Variants in SPEF2 observed in about 807,000 individuals in gnomAD.
SPEF2 encodes the protein sperm flagella and cilia-associated protein 2.
Under a neutral mutation model 224.6 loss-of-function variants are expected in SPEF2, and 187 were observed. The ratio of observed to expected loss-of-function variants is 0.83; its 90% CI spans 0.74 to 0.94. SPEF2 has a LOEUF of 0.94. Ranked by LOEUF, SPEF2 falls within the 40% of genes least tolerant of loss-of-function variation. The pLI, the probability that SPEF2 is intolerant of heterozygous loss-of-function variation, is 0.00. For synonymous variants in SPEF2, 715 were observed against 707.3 expected, an observed-to-expected ratio of 1.01 and a Z score of -0.17; for missense variants, 2,170 against 2,135.6, an observed-to-expected ratio of 1.02 and a Z score of -0.32.
At chr5:35,792,241 TAAAG>T in intron 30 of SPEF2, 95 bp from the exon 31 acceptor site, 2 of 772,788 alleles carry the variant, frequency 2.6e-6, no homozygotes, top group Non-Finnish European at 4.0e-6. Flanking sequence ...ATAATATGAA[TAAAG>T]AGAGTTTTAA....
chr5:35,802,157 T>A (rs1220948578), intron 34 of SPEF2, among the ~76,000 whole-genome samples: 1 of 152,142 alleles, frequency 6.6e-6, no homozygotes, highest in African/African-American at 2.4e-5. Context: ...CTTTCCTGCC[T>A]CTCTGTCTTT....
In SPEF2 at chr5:35,692,745, CTCT is replaced by C. The variant is rs750839039; in HGVS notation, c.1899+25_1899+27del. ...GCCAGGCAAGTGTGATTCTAGTTTT[CTCT>C]TCTGCGCCTAGTACATTAGAGATTT... On this transcript the variant is annotated intron_variant, in intron 12 of 36. Transcript: ENST00000356031. 13 of 1,606,580 alleles carry C rather than the reference CTCT, an allele frequency of 8.1e-6. No homozygotes were observed. The African/African-American group carries it at 1.6e-4, about 20-fold the overall frequency.
At chr5:35,641,750 A>G (rs766504420) in intron 3 of SPEF2, 67 bp downstream of exon 3, 80 of 1,520,550 alleles carry the variant, frequency 5.3e-5, no homozygotes, top group Non-Finnish European at 6.5e-5. Flanking sequence ...AATGACAATG[A>G]TATTGAATTC....
chr5:35,812,308 C>T (rs1260985593), intron 36 of SPEF2, among the ~76,000 whole-genome samples: 2 of 152,082 alleles, frequency 1.3e-5, no homozygotes, highest in African/African-American at 4.8e-5. Context: ...ATAAAGGGTC[C>T]AAATTGAAGT....
At chr5:35,784,554 A>G (rs898415685) in intron 30 of SPEF2, among the ~76,000 whole-genome samples, 3 of 152,222 alleles carry the variant, frequency 2.0e-5, no homozygotes, top group Admixed American at 1.3e-4. Context: ...AGAACTAGCT[A>G]TTGCTGCCTA....
chr5:35,670,983 C>T (rs1032647389), intron 10 of SPEF2: 1 of 985,196 alleles, frequency 1.0e-6, no homozygotes, highest in African/African-American at 1.7e-5. Context: ...CTCTCCCCAT[C>T]CCACTCCATC....
At chr5:35,643,694 G>T (rs1000504395) in intron 3 of SPEF2, 2 of 360,862 alleles carry the variant, frequency 5.5e-6, no homozygotes, top group African/African-American at 4.2e-5. Context: ...ATGAGAAGAG[G>T]TGCAGGTAAT....
intron 2 of SPEF2, among the ~76,000 whole-genome samples, chr5:35,635,558 G>T (rs1254118704): frequency 1.3e-5 from 2 of 152,122 alleles, no homozygotes; most frequent in Non-Finnish European, 2.9e-5. Flanking sequence ...ACAAAATGTA[G>T]TAATTCTCAA....
chr5:35,678,420 G>A (rs1255975224), intron 10 of SPEF2: 1 of 152,212 alleles, frequency 6.6e-6, no homozygotes, highest in Non-Finnish European at 1.5e-5. Context: ...CGATTGCTCA[G>A]ACTCTGCATT....
At chr5:35,725,910 C>G (rs1744568927) in intron 20 of SPEF2, among the ~76,000 whole-genome samples, 1 of 152,040 alleles carries the variant, frequency 6.6e-6, no homozygotes, top group African/African-American at 2.4e-5. Context: ...AGATTATTTT[C>G]CAAACTTTTC....
At chr5:35,635,472 C>G (rs973571739) in intron 2 of SPEF2, among the ~76,000 whole-genome samples, 10 of 152,110 alleles carry the variant, frequency 6.6e-5, no homozygotes, top group Admixed American at 4.6e-4. Flanking sequence ...TTGCATTGCT[C>G]TAGTATATTG....
intron 2 of SPEF2, among the ~76,000 whole-genome samples, 171 bp downstream of exon 2, chr5:35,628,733 A>G (rs529919376): frequency 6.6e-6 from 1 of 152,124 alleles, no homozygotes; most frequent in African/African-American, 2.4e-5. Flanking sequence ...GTGGGACTAC[A>G]GGTGCATGCC....
intron 10 of SPEF2, among the ~76,000 whole-genome samples, chr5:35,687,907 C>CA (rs1012100824): frequency 3.4e-4 from 51 of 150,940 alleles, no homozygotes; most frequent in African/African-American, 2.4e-4. Flanking sequence ...CTTTTGCAAG[C>CA]AAAAAAAATT....
Position 35,644,406 on chromosome 5 carries a change from A to G in SPEF2, c.466A>G (p.Thr156Ala). ...RQTDFNLMRI[T>A]YRFQEKYKHV... ...AACTGATTTCAATCTGATGCGGATTACATACAGGTTTCAAGAAAAATATAA... is the reference window on the plus strand; with the variant it reads ...AACTGATTTCAATCTGATGCGGATTGCATACAGGTTTCAAGAAAAATATAA... The change falls in exon 4 of 37, where the codon ACA becomes GCA. Residue 156 changes from threonine to alanine, a missense_variant. By Grantham distance (58) the Thr-to-Ala change is moderately conservative (BLOSUM62 0). Transcript: ENST00000356031. 6.2e-7 allele frequency: 1 copy of G among 1,610,384 alleles called. No individual in the cohort carries two copies. Among genetic ancestry groups the G allele is most frequent in the African/African-American group, 1.3e-5 (1 of 74,916 alleles).
intron 21 of SPEF2, among the ~76,000 whole-genome samples, chr5:35,729,329 C>T (rs1054587135): frequency 6.6e-6 from 1 of 152,176 alleles, no homozygotes; most frequent in Non-Finnish European, 1.5e-5. Flanking sequence ...CCTTGGGCCT[C>T]AAGAGAACTT....
At chr5:35,633,436 T>C (rs1473156217) in intron 2 of SPEF2, among the ~76,000 whole-genome samples, 1 of 152,132 alleles carries the variant, frequency 6.6e-6, no homozygotes, top group Non-Finnish European at 1.5e-5. Context: ...TTTTGCCTGA[T>C]ACTATAGTCA....
chr5:35,807,927 A>T (rs1037810934), intron 36 of SPEF2: 6 of 1,413,144 alleles, frequency 4.2e-6, no homozygotes, highest in African/African-American at 1.4e-5. Flanking sequence ...GTAGCACTAC[A>T]TCCCTCTCAG....
In SPEF2 at chr5:35,641,671, T is replaced by C. The variant is rs541516827; in HGVS notation, c.402T>C (p.Asp134=). ...TAAGACTTCAAAACATGAAAAGTGA[T>C]ACTTTTCAAGAGGTAGGTACATAAA... ...TNLRLQNMKS[D]TFQERLRHMI... is the part of the protein sequence containing the mutation. Residue 134 remains aspartate, a synonymous_variant, in exon 3 of 37, where the codon GAT becomes GAC. Transcript: ENST00000356031. The C allele has an allele frequency of 9.3e-6, 15 of 1,612,834 alleles. No individual in the cohort carries two copies. The South Asian group carries it at 1.2e-4, about 13-fold the overall frequency.
At chr5:35,715,454 A>C (rs1167340620) in intron 20 of SPEF2, among the ~76,000 whole-genome samples, 1 of 152,038 alleles carries the variant, frequency 6.6e-6, no homozygotes, top group Non-Finnish European at 1.5e-5. Context: ...ATAACCTGGT[A>C]TTATATTTTC....
Sources: gnomAD v4.1 joint callset for allele counts (sites outside exome capture counted in the v4.1 genomes callset) on GRCh38, gnomAD v4.1.1 for gene constraint, MANE v1.5 for transcripts, NCBI Gene and HGNC (gene_info 2026-07-23, HGNC 2026-07-21) for gene names.